The following YWHAQ variants were observed in gnomAD, a reference collection of about 807,000 sequenced individuals.
YWHAQ encodes 14-3-3 protein theta.
In YWHAQ, 6 loss-of-function variants were observed where a neutral mutation model predicts 28.3. The observed-to-expected ratio is 0.21, with a 90% confidence interval of 0.12 to 0.42. The LOEUF (loss-of-function observed/expected upper bound fraction) is 0.42. Among genes scored for constraint, YWHAQ ranks in the 10% least tolerant of loss-of-function variants. The pLI is 1.00. For missense variants in YWHAQ, 201 were observed against 305.6 expected (o/e 0.66, Z 2.55); for synonymous variants, 143 against 119.1 (o/e 1.20, Z -1.31).
At chr2:9,621,307 C>T (rs1250459202) in intron 2 of YWHAQ, among the ~76,000 whole-genome samples, 1 of 152,118 alleles carries the variant, frequency 6.6e-6, no homozygotes, top group African/African-American at 2.4e-5. Context: ...AGTGATGGTG[C>T]CAGTGATGTC....
At chr2:9,617,602 C>T (rs1303999666) in intron 2 of YWHAQ, among the ~76,000 whole-genome samples, 3 of 152,060 alleles carry the variant, frequency 2.0e-5, no homozygotes, top group Admixed American at 1.3e-4. Context: ...GGTTAAAACG[C>T]TAACTTTTAT....
chr2:9,628,141 C>A (rs993925488), intron 2 of YWHAQ, among the ~76,000 whole-genome samples: 1 of 152,186 alleles, frequency 6.6e-6, no homozygotes, highest in Admixed American at 6.5e-5. Context: ...CAGTTGCCAA[C>A]TTGAAGAAGT....
chr2:9,595,719 A>G (rs1318358153), intron 2 of YWHAQ, among the ~76,000 whole-genome samples: 1 of 145,390 alleles, frequency 6.9e-6, no homozygotes, highest in East Asian at 1.9e-4. Context: ...AAAAAAAAAA[A>G]GTCACCAGAC....
At chr2:9,593,848 A>G (rs1666508165) in intron 2 of YWHAQ, among the ~76,000 whole-genome samples, 1 of 150,834 alleles carries the variant, frequency 6.6e-6, no homozygotes, top group African/African-American at 2.4e-5. Flanking sequence ...AAAGAAAAAA[A>G]CCAGAAAAAC....
At chr2:9,592,963 T>G (rs948800396) in intron 2 of YWHAQ, among the ~76,000 whole-genome samples, 1 of 152,104 alleles carries the variant, frequency 6.6e-6, no homozygotes, top group African/African-American at 2.4e-5. Flanking sequence ...GTGAAACTAG[T>G]GAACGTTTTA....
chr2:9,605,042 A>G (rs932915891), intron 2 of YWHAQ, among the ~76,000 whole-genome samples: 1 of 152,140 alleles, frequency 6.6e-6, no homozygotes, highest in Admixed American at 6.5e-5. Context: ...TGATATGTGA[A>G]TTATTTTATT....
intron 2 of YWHAQ, among the ~76,000 whole-genome samples, chr2:9,595,105 T>C (rs1666544425): frequency 6.6e-6 from 1 of 152,232 alleles, no homozygotes; most frequent in Admixed American, 6.5e-5. Flanking sequence ...CCAGGTATCA[T>C]GGTTCTTTGT....
At chr2:9,595,421 A>C (rs1666549072) in intron 2 of YWHAQ, among the ~76,000 whole-genome samples, 1 of 152,138 alleles carries the variant, frequency 6.6e-6, no homozygotes, top group Non-Finnish European at 1.5e-5. Flanking sequence ...GTCAGGAGCG[A>C]GGGCCAGGTG....
chr2:9,602,850 A>ATATGT (rs1666732383), intron 2 of YWHAQ, among the ~76,000 whole-genome samples: 2 of 16,982 alleles, frequency 1.2e-4, no homozygotes, highest in South Asian at 2.5e-3. Flanking sequence ...AAAAAAAAAA[A>ATATGT]AAAAAAAAAA....
intron 3 of YWHAQ, among the ~76,000 whole-genome samples, chr2:9,590,203 CAAT>C (rs1305115453): frequency 6.6e-6 from 1 of 152,228 alleles, no homozygotes; most frequent in Non-Finnish European, 1.5e-5. Flanking sequence ...AGCTATGTCT[CAAT>C]CTCCCAAATA....
intron 2 of YWHAQ, among the ~76,000 whole-genome samples, chr2:9,619,936 G>A (rs1432417334): frequency 6.6e-6 from 1 of 152,210 alleles, no homozygotes; most frequent in Non-Finnish European, 1.5e-5. Flanking sequence ...TTCAAGTAAT[G>A]TTTGGTGGAA....
chr2:9,621,690 C>T (rs2125073424), intron 2 of YWHAQ, among the ~76,000 whole-genome samples: 1 of 152,158 alleles, frequency 6.6e-6, no homozygotes. Flanking sequence ...AAACCCATAT[C>T]AACTAAAGAA....
At chr2:9,595,507 C>G (rs1666550865) in intron 2 of YWHAQ, among the ~76,000 whole-genome samples, 1 of 151,870 alleles carries the variant, frequency 6.6e-6, no homozygotes. Flanking sequence ...GAGTTCAAGA[C>G]CAGCCTGACC....
chr2:9,607,555 G>A (rs1333591548), intron 2 of YWHAQ, among the ~76,000 whole-genome samples: 3 of 151,892 alleles, frequency 2.0e-5, no homozygotes, highest in Admixed American at 6.6e-5. Flanking sequence ...ACTTCTGACC[G>A]ACATGAGAAA....
intron 3 of YWHAQ, 72 bp downstream of exon 3, chr2:9,591,320 G>A: frequency 6.5e-7 from 1 of 1,549,058 alleles, no homozygotes; most frequent in Non-Finnish European, 8.8e-7. Flanking sequence ...TACGTATACT[G>A]TCATAGTGTC....
At chr2:9,596,304 C>T (rs1310881525) in intron 2 of YWHAQ, among the ~76,000 whole-genome samples, 2 of 151,278 alleles carry the variant, frequency 1.3e-5, no homozygotes, top group Non-Finnish European at 2.9e-5. Context: ...TAAAACAATC[C>T]TACCGTCACT....
In YWHAQ at chr2:9,593,923, TACAC is replaced by T. The variant is rs1553372602; in HGVS notation, c.295-2412_295-2409del. Among the ~76,000 whole-genome samples, 1,152 of 135,126 alleles carry T rather than the reference TACAC, an allele frequency of 8.5e-3. 14 individuals carry two copies. Among genetic ancestry groups the T allele is most frequent in the African/African-American group, 0.021 (739 of 34,374 alleles). 88.6% of individuals were successfully genotyped at this position (135,126 alleles called of 152,430 possible). A position where few individuals can be genotyped will look rare whatever the true frequency, so the allele number is the denominator to read the frequency against. ...TAAAAAAAATATATATATATATATA[TACAC>T]ACACACACACACACACTTTTTTAAG... On this transcript the variant is annotated intron_variant, in intron 2 of 5. Transcript: ENST00000238081.
At chr2:9,619,684 G>A (rs950588686) in intron 2 of YWHAQ, among the ~76,000 whole-genome samples, 2 of 152,182 alleles carry the variant, frequency 1.3e-5, no homozygotes, top group African/African-American at 2.4e-5. Context: ...CTTCCAAATG[G>A]TGGTCTCTGC....
intron 2 of YWHAQ, among the ~76,000 whole-genome samples, chr2:9,620,983 T>C (rs929711845): frequency 3.3e-5 from 5 of 152,216 alleles, no homozygotes; most frequent in Non-Finnish European, 5.9e-5. Flanking sequence ...GTCTCCCCTA[T>C]ATCCTTTGTG....
Sources: allele counts gnomAD v4.1 joint callset (sites outside exome capture counted in the v4.1 genomes callset), GRCh38; gene constraint gnomAD v4.1.1; transcripts MANE v1.5; gene names NCBI Gene and HGNC (gene_info 2026-07-23, HGNC 2026-07-21).